Variants in LRRC4C observed in about 807,000 individuals in gnomAD.
The protein encoded by LRRC4C is leucine rich repeat containing 4C.
LRRC4C carries 5 observed loss-of-function variants against 33.6 expected under a neutral mutation model. The observed-to-expected ratio is 0.15, with a 90% confidence interval of 0.08 to 0.31. The LOEUF (loss-of-function observed/expected upper bound fraction) is 0.31, where lower values mean the gene tolerates loss of function less well. Ranked by LOEUF, LRRC4C falls within the 10% of genes least tolerant of loss-of-function variation. The pLI is 1.00. For missense variants in LRRC4C, 560 were observed against 796.7 expected (o/e 0.70, Z 3.58); for synonymous variants, 329 against 302.0 (o/e 1.09, Z -0.93).
chr11:40,471,711 C>A (rs1056760049), intron 3 of LRRC4C, among the ~76,000 whole-genome samples: 3 of 147,616 alleles, frequency 2.0e-5, no homozygotes, highest in African/African-American at 5.0e-5. Flanking sequence ...GGGTTGCAAT[C>A]CTAGTCTCTG....
intron 1 of LRRC4C, among the ~76,000 whole-genome samples, chr11:41,333,095 C>T (rs1056750714): frequency 6.6e-6 from 1 of 152,130 alleles, no homozygotes; most frequent in African/African-American, 2.4e-5. Context: ...AAAACTATTA[C>T]TAAGAATTGC....
intron 2 of LRRC4C, among the ~76,000 whole-genome samples, chr11:40,768,120 A>C (rs1949566601): frequency 6.6e-6 from 1 of 152,068 alleles, no homozygotes; most frequent in African/African-American, 2.4e-5. Flanking sequence ...TAAATAAAAC[A>C]GAAATAAAGG....
intron 1 of LRRC4C, among the ~76,000 whole-genome samples, chr11:40,938,175 C>T (rs1406500206): frequency 6.6e-6 from 1 of 152,128 alleles, no homozygotes; most frequent in African/African-American, 2.4e-5. Flanking sequence ...GATGAATGAA[C>T]AGGCGCAGGT....
chr11:40,455,255 C>T (rs1056365620), intron 3 of LRRC4C, among the ~76,000 whole-genome samples: 4 of 152,154 alleles, frequency 2.6e-5, no homozygotes. Context: ...TGGCTACTGC[C>T]TTTGTACAAA....
At chr11:41,289,647 G>A (rs190802800) in intron 1 of LRRC4C, among the ~76,000 whole-genome samples, 2 of 152,236 alleles carry the variant, frequency 1.3e-5, no homozygotes, top group East Asian at 1.9e-4. Flanking sequence ...GGCCTCACCC[G>A]AAACCAACCC....
intron 3 of LRRC4C, among the ~76,000 whole-genome samples, chr11:40,540,278 C>T (rs1956651705): frequency 6.6e-6 from 1 of 152,154 alleles, no homozygotes; most frequent in African/African-American, 2.4e-5. Flanking sequence ...GCAGTTCTTA[C>T]TTTCAAAAGA....
intron 3 of LRRC4C, among the ~76,000 whole-genome samples, chr11:40,375,401 C>G (rs1948618179): frequency 6.6e-6 from 1 of 152,124 alleles, no homozygotes; most frequent in African/African-American, 2.4e-5. Flanking sequence ...AAGTACAAAT[C>G]AACACGCCAT....
intron 2 of LRRC4C, among the ~76,000 whole-genome samples, chr11:40,819,385 T>C (rs944155271): frequency 6.6e-6 from 1 of 152,100 alleles, no homozygotes; most frequent in Non-Finnish European, 1.5e-5. Context: ...ATAATGTTCT[T>C]GCCCCGGAAT....
chr11:40,357,718 T>G (rs1339106129), intron 3 of LRRC4C, among the ~76,000 whole-genome samples: 1 of 151,970 alleles, frequency 6.6e-6, no homozygotes, highest in Non-Finnish European at 1.5e-5. Flanking sequence ...GGAGGTATAT[T>G]CAAAAGGTAT....
intron 2 of LRRC4C, among the ~76,000 whole-genome samples, chr11:40,828,037 A>G (rs1004261631): frequency 2.0e-5 from 3 of 151,726 alleles, no homozygotes; most frequent in African/African-American, 7.2e-5. Flanking sequence ...AGGTTTATAT[A>G]ATATTTTTAA....
intron 3 of LRRC4C, among the ~76,000 whole-genome samples, chr11:40,416,698 G>A (rs1399099294): frequency 6.6e-6 from 1 of 152,144 alleles, no homozygotes; most frequent in African/African-American, 2.4e-5. Context: ...AAGGCAAAGT[G>A]AGATTTACTG....
At chr11:40,232,449 C>T (rs1003461829) in intron 5 of LRRC4C, among the ~76,000 whole-genome samples, 15 of 152,158 alleles carry the variant, frequency 9.9e-5, no homozygotes, top group Admixed American at 3.3e-4. Context: ...TTTCCTACTG[C>T]CAATAAATTA....
intron 2 of LRRC4C, among the ~76,000 whole-genome samples, chr11:40,914,836 G>A (rs1401319353): frequency 6.6e-6 from 1 of 152,112 alleles, no homozygotes; most frequent in Admixed American, 6.5e-5. Flanking sequence ...AAGCTGATAG[G>A]CAACTTCAGC....
intron 2 of LRRC4C, among the ~76,000 whole-genome samples, chr11:40,658,891 G>A (rs1943269313): frequency 6.6e-6 from 1 of 152,208 alleles, no homozygotes; most frequent in Admixed American, 6.5e-5. Flanking sequence ...ACCACTGTGG[G>A]GATGCCGGCT....
At chr11:41,394,545 T>A (rs532294620) in intron 1 of LRRC4C, 1 of 151,978 alleles carries the variant, frequency 6.6e-6, no homozygotes, top group East Asian at 2.0e-4. Flanking sequence ...TCATCAGAAA[T>A]AATGTGGTTA....
intron 2 of LRRC4C, among the ~76,000 whole-genome samples, chr11:40,703,990 T>C (rs951721973): frequency 1.3e-5 from 2 of 152,198 alleles, no homozygotes; most frequent in African/African-American, 4.8e-5. Flanking sequence ...CCATATTCAC[T>C]AGTTTTGCAT....
Position 40,547,903 on chromosome 11 carries a change from G to A in LRRC4C, c.-270+100239C>T, listed in dbSNP as rs144593137. Among the ~76,000 whole-genome samples the A allele has an allele frequency of 2.1e-4, 32 of 152,166 alleles. No individual in the cohort carries two copies. In the East Asian group the frequency reaches 4.4e-3, roughly 21 times the overall value. ...CAAACATTTATTGAGCATCTACTAC[G>A]TGCCAGACACTGTTCTAGTGATTGG... is the stretch of plus-strand genomic sequence containing the variant. On this transcript the variant is annotated intron_variant, in intron 3 of 6. Transcript: ENST00000528697.
At chr11:40,759,088 T>TTA in intron 2 of LRRC4C, among the ~76,000 whole-genome samples, 1 of 147,452 alleles carries the variant, frequency 6.8e-6, no homozygotes, top group East Asian at 2.0e-4. Context: ...ACATATATTA[T>TTA]TATATATATA....
At chr11:40,916,737 T>A (rs1033843998) in intron 2 of LRRC4C, among the ~76,000 whole-genome samples, 2 of 151,300 alleles carry the variant, frequency 1.3e-5, no homozygotes, top group South Asian at 2.1e-4. Context: ...AATAAAAAAA[T>A]TTCAGAAAAT....
Sources: gnomAD v4.1 joint callset for allele counts (sites outside exome capture counted in the v4.1 genomes callset) on GRCh38, gnomAD v4.1.1 for gene constraint, MANE v1.5 for transcripts, NCBI Gene and HGNC (gene_info 2026-07-23, HGNC 2026-07-21) for gene names.